ANTXR2: variants seen among roughly 807,000 people sequenced by gnomAD.
ANTXR2 encodes anthrax toxin receptor 2.
ANTXR2 carries 44 observed loss-of-function variants against 73.7 expected under a neutral mutation model. That is an observed-to-expected ratio of 0.60 (90% confidence interval 0.47 to 0.77). ANTXR2 has a LOEUF of 0.77. Ranked by LOEUF, ANTXR2 falls within the 30% of genes least tolerant of loss-of-function variation. ANTXR2 has a pLI of 0.00. For synonymous variants in ANTXR2, 217 were observed against 205.9 expected (o/e 1.05, Z -0.46); for missense variants, 604 against 592.5 (o/e 1.02, Z -0.20).
intron 3 of ANTXR2, among the ~76,000 whole-genome samples, chr4:80,061,680 G>T (rs200090716): frequency 2.5e-5 from 3 of 117,810 alleles, no homozygotes; most frequent in Admixed American, 1.0e-4. Flanking sequence ...AATTCACTTA[G>T]AATTCACTTA....
Position 79,930,624 on chromosome 4 carries a change from T to C in ANTXR2, c.1429-23157A>G, listed in dbSNP as rs375990879. On this transcript the variant is annotated intron_variant, in intron 16 of 16. Coordinates refer to ENST00000403729, the MANE Select transcript of ANTXR2 (RefSeq NM_058172.6). ...ACTGAATGGCCCCATACTGCAGTGC[T>C]TGTCTGAGTCATGTGTCTGTCCTCT... is the stretch of plus-strand genomic sequence containing the variant. Among the ~76,000 whole-genome samples the C allele has an allele frequency of 2.2e-4, 34 of 152,288 alleles. 1 individual carries two copies. The highest frequency in any genetic ancestry group is 1.5e-3 in the East Asian group (8 of 5,174).
chr4:79,920,852 T>TA (rs1211710491), intron 16 of ANTXR2, among the ~76,000 whole-genome samples: 1 of 152,110 alleles, frequency 6.6e-6, no homozygotes. Flanking sequence ...TTCAAATTCT[T>TA]AAGATTCACA....
intron 10 of ANTXR2, among the ~76,000 whole-genome samples, chr4:80,031,139 T>C (rs1732670952): frequency 6.6e-6 from 1 of 151,996 alleles, no homozygotes; most frequent in Admixed American, 6.6e-5. Flanking sequence ...TTAATACAAA[T>C]GTACAAGTAT....
At chr4:79,934,619 T>C (rs892003599) in intron 16 of ANTXR2, among the ~76,000 whole-genome samples, 1 of 151,990 alleles carries the variant, frequency 6.6e-6, no homozygotes, top group African/African-American at 2.4e-5. Context: ...TTATAAAATA[T>C]GGAAAGTAAT....
chr4:80,067,831 A>G (rs925572669), intron 3 of ANTXR2, among the ~76,000 whole-genome samples: 5 of 152,190 alleles, frequency 3.3e-5, no homozygotes, highest in African/African-American at 1.2e-4. Flanking sequence ...GGAACAACGC[A>G]CACTGGGGCC....
chr4:79,929,542 T>G (rs1186968665), intron 16 of ANTXR2, among the ~76,000 whole-genome samples: 1 of 152,036 alleles, frequency 6.6e-6, no homozygotes, highest in Non-Finnish European at 1.5e-5. Flanking sequence ...AAGTAAATAT[T>G]CTGAGTGTTG....
At chr4:80,046,155 A>G (rs1040463308) in intron 7 of ANTXR2, among the ~76,000 whole-genome samples, 1 of 151,798 alleles carries the variant, frequency 6.6e-6, no homozygotes, top group Non-Finnish European at 1.5e-5. Context: ...CTCCAAACAA[A>G]ACAGATGGAT....
rs765784057 is a variant in ANTXR2 at position 79,978,025 on chromosome 4, T to C, written c.1329A>G (p.Lys443=). Residue 443 remains lysine (K), a synonymous_variant, in exon 15 of 17, where the codon AAA becomes AAG. Transcript: ENST00000403729. ...CACATACCTTAATTGGGGTGTACCA[T>C]TTTGTCTGAGGAGGCTGGTGTGTGG... ...PKPTHQPPQT[K]WYTPIKGRLD... is the part of the protein sequence containing the mutation. The C allele has an allele frequency of 6.2e-7, 1 of 1,601,604 alleles. No individual in the cohort carries two copies. The highest frequency in any genetic ancestry group is 8.5e-7 in the Non-Finnish European group (1 of 1,176,016).
intron 16 of ANTXR2, among the ~76,000 whole-genome samples, chr4:79,930,942 CA>C (rs1728031218): frequency 1.3e-5 from 2 of 152,086 alleles, no homozygotes; most frequent in African/African-American, 4.8e-5. Flanking sequence ...TTTTGCAATA[CA>C]ATTTAAAATA....
At chr4:80,059,019 C>T (rs1734126960) in intron 3 of ANTXR2, among the ~76,000 whole-genome samples, 1 of 152,020 alleles carries the variant, frequency 6.6e-6, no homozygotes, top group Admixed American at 6.6e-5. Context: ...ATTTCTTGTC[C>T]TGACTACTGG....
chr4:79,916,577 AT>A (rs1560851476), intron 16 of ANTXR2, among the ~76,000 whole-genome samples: 1 of 152,176 alleles, frequency 6.6e-6, no homozygotes, highest in Admixed American at 6.6e-5. Context: ...CCTTAAAGCA[AT>A]AAAAAAACAG....
chr4:80,072,619 C>A lies in ANTXR2; in HGVS notation c.-59G>T. 1 of 1,390,498 alleles carries A rather than the reference C, an allele frequency of 7.2e-7. No homozygotes were observed. Among genetic ancestry groups the A allele is most frequent in the South Asian group, 1.6e-5 (1 of 62,126 alleles). The allele number at this position is 1,390,498 out of a possible 1,614,324, so 86.1% of individuals were successfully genotyped here. A position where few individuals can be genotyped will look rare whatever the true frequency, so the allele number is the denominator to read the frequency against. On this transcript the variant is annotated 5_prime_UTR_variant, in exon 1 of 17. Transcript: ENST00000403729. Reference sequence around the variant, plus strand: ...CGCAGTCCCCTAAGCTCAGGAGGGTCGCAAAGGTGGCGGGAGTCACCCGGC... The same window carrying A: ...CGCAGTCCCCTAAGCTCAGGAGGGTAGCAAAGGTGGCGGGAGTCACCCGGC...
chr4:79,979,347 T>C (rs568783947), intron 14 of ANTXR2, among the ~76,000 whole-genome samples: 11 of 151,336 alleles, frequency 7.3e-5, no homozygotes, highest in Non-Finnish European at 1.6e-4. Flanking sequence ...TAAAAACCTA[T>C]AATAAGAGCT....
chr4:80,070,065 C>A (rs1217197304), intron 2 of ANTXR2, among the ~76,000 whole-genome samples: 1 of 152,178 alleles, frequency 6.6e-6, no homozygotes, highest in African/African-American at 2.4e-5. Context: ...TTTCCATTGG[C>A]AACAAGTGCC....
At chr4:80,000,326 CT>C (rs1397465979) in intron 12 of ANTXR2, among the ~76,000 whole-genome samples, 1 of 151,904 alleles carries the variant, frequency 6.6e-6, no homozygotes, top group Non-Finnish European at 1.5e-5. Flanking sequence ...CATAAATTTC[CT>C]CAAGCACAAT....
chr4:80,062,867 C>T (rs759127043), intron 3 of ANTXR2, among the ~76,000 whole-genome samples: 15 of 152,120 alleles, frequency 9.9e-5, no homozygotes, highest in Non-Finnish European at 1.6e-4. Flanking sequence ...CCTTTGATTT[C>T]TTTAAACATC....
At chr4:80,019,606 T>G (rs1732059689) in intron 10 of ANTXR2, among the ~76,000 whole-genome samples, 3 of 152,186 alleles carry the variant, frequency 2.0e-5, no homozygotes, top group Non-Finnish European at 4.4e-5. Context: ...CCATTTAGCC[T>G]ATTTCTCTGT....
intron 3 of ANTXR2, among the ~76,000 whole-genome samples, chr4:80,059,792 C>A (rs1405653290): frequency 2.0e-5 from 3 of 151,978 alleles, no homozygotes; most frequent in Non-Finnish European, 4.4e-5. Flanking sequence ...GGGAAAATAG[C>A]CACCACAACT....
At position 79,986,122 on chromosome 4, in the gene ANTXR2, C is replaced by T. The variant is rs539260787; in HGVS notation, c.1042-1259G>A. Among the ~76,000 whole-genome samples the T allele has an allele frequency of 1.8e-3, 270 of 152,152 alleles. 2 individuals carry two copies. The highest frequency in any genetic ancestry group is 6.1e-3 in the African/African-American group (254 of 41,516). On this transcript the variant is annotated intron_variant, in intron 12 of 16. Coordinates refer to ENST00000403729, the MANE Select transcript of ANTXR2 (RefSeq NM_058172.6). ...GCCCCCCAATACAGTTAATTCTTCA[C>T]GTGAATAGAATGGGGCTTAATTTGA...
Sources: gnomAD v4.1 joint callset for allele counts (sites outside exome capture counted in the v4.1 genomes callset) on GRCh38, gnomAD v4.1.1 for gene constraint, MANE v1.5 for transcripts, NCBI Gene and HGNC (gene_info 2026-07-23, HGNC 2026-07-21) for gene names.